CRIM1: variants seen among roughly 807,000 people sequenced by gnomAD.
CRIM1 encodes the protein cysteine-rich motor neuron 1 protein.
In CRIM1, 32 loss-of-function variants were observed where a neutral mutation model predicts 116.4. The ratio of observed to expected loss-of-function variants is 0.27; its 90% confidence interval spans 0.21 to 0.37. The LOEUF (loss-of-function observed/expected upper bound fraction) is 0.37. Ranked by LOEUF, CRIM1 falls within the 10% of genes least tolerant of loss-of-function variation. CRIM1 has a pLI of 1.00. For missense variants in CRIM1, 1,331 were observed against 1,354.8 expected (o/e 0.98, Z 0.28); for synonymous variants, 590 against 509.2 (o/e 1.16, Z -2.13).
intron 1 of CRIM1, among the ~76,000 whole-genome samples, chr2:36,363,625 G>T (rs72862102): frequency 0.016 from 2,219 of 142,058 alleles, 62 homozygotes; most frequent in African/African-American, 0.054. Flanking sequence ...ATATTATTTT[G>T]CATTGATTTG....
At chr2:36,414,520 C>G (rs1673453735) in intron 2 of CRIM1, among the ~76,000 whole-genome samples, 1 of 152,150 alleles carries the variant, frequency 6.6e-6, no homozygotes, top group Non-Finnish European at 1.5e-5. Context: ...AGCTTTCAGT[C>G]TTAAGTGGCA....
chr2:36,408,646 T>A (rs1209974915), intron 2 of CRIM1, among the ~76,000 whole-genome samples: 1 of 152,182 alleles, frequency 6.6e-6, no homozygotes, highest in Non-Finnish European at 1.5e-5. Flanking sequence ...CCCAGGCTTG[T>A]CTCCATCAAC....
At chr2:36,389,449 C>T (rs557386325) in intron 1 of CRIM1, among the ~76,000 whole-genome samples, 1 of 152,216 alleles carries the variant, frequency 6.6e-6, no homozygotes, top group African/African-American at 2.4e-5. Context: ...GATATGTGAA[C>T]AGCTGGAGAA....
chr2:36,380,608 T>G (rs1000175264), intron 1 of CRIM1, among the ~76,000 whole-genome samples: 4 of 152,182 alleles, frequency 2.6e-5, no homozygotes, highest in African/African-American at 9.7e-5. Context: ...AAAGAAAGTT[T>G]GGGAGACATT....
At chr2:36,526,075 G>A (rs1665737544) in intron 13 of CRIM1, among the ~76,000 whole-genome samples, 2 of 152,104 alleles carry the variant, frequency 1.3e-5, no homozygotes, top group African/African-American at 2.4e-5. Context: ...GAACAGCTTT[G>A]TCTAGTTTCT....
intron 4 of CRIM1, 64 bp from the exon 5 acceptor site, chr2:36,464,470 G>T (rs2125007803): frequency 6.3e-7 from 1 of 1,589,432 alleles, no homozygotes; most frequent in African/African-American, 1.3e-5. Context: ...CTTTGTTTGT[G>T]GTCTCCCGAC....
intron 4 of CRIM1, among the ~76,000 whole-genome samples, chr2:36,462,548 G>A (rs969487809): frequency 6.6e-6 from 1 of 152,200 alleles, no homozygotes; most frequent in African/African-American, 2.4e-5. Flanking sequence ...CATCTGAAGA[G>A]GTATTTTTTG....
At chr2:36,403,022 A>C (rs1043150854) in intron 2 of CRIM1, among the ~76,000 whole-genome samples, 1 of 152,184 alleles carries the variant, frequency 6.6e-6, no homozygotes, top group African/African-American at 2.4e-5. Flanking sequence ...AGAAAAGTCA[A>C]ATCTCTCCAG....
intron 1 of CRIM1, among the ~76,000 whole-genome samples, chr2:36,370,792 T>G (rs1669894318): frequency 6.6e-6 from 1 of 152,138 alleles, no homozygotes; most frequent in African/African-American, 2.4e-5. Context: ...CTTTTTTTCT[T>G]TAGAGGGGAC....
rs1355369323 is a variant in CRIM1, at chr2:36,356,255, G to T, written c.-38G>T. The stretch of plus-strand genomic sequence containing the variant: ...GGGGAGGGCGCCCGCCCCGCTCCCG[G>T]CCCGGCTGCGAGGAGGAGGCGGCGG... On this transcript the variant is annotated 5_prime_UTR_variant, in exon 1 of 17. Coordinates refer to ENST00000280527, the MANE Select transcript of CRIM1 (RefSeq NM_016441.3). This position sits in a 1 kb window ranked among gnomAD's most constrained non-coding sequence, Gnocchi z 4.3. 50 of 1,264,888 alleles carry T rather than the reference G, an allele frequency of 4.0e-5. No homozygotes were observed. The highest frequency in any genetic ancestry group is 5.1e-5 in the Non-Finnish European group (49 of 963,186). 78.4% of individuals were successfully genotyped at this position (1,264,888 alleles called of 1,614,324 possible). A position where few individuals can be genotyped will look rare whatever the true frequency, so the allele number is the denominator to read the frequency against.
intron 6 of CRIM1, 61 bp downstream of exon 6, chr2:36,477,132 A>G (rs1572829563): frequency 1.5e-6 from 2 of 1,333,018 alleles, no homozygotes; most frequent in Middle Eastern, 1.9e-4. Context: ...TTCTAAAATC[A>G]AAATCGTCCT....
At chr2:36,546,531 A>G (rs1474395044) in intron 15 of CRIM1, among the ~76,000 whole-genome samples, 7 of 152,144 alleles carry the variant, frequency 4.6e-5, no homozygotes, top group Non-Finnish European at 8.8e-5. Context: ...AGTCTTAGCT[A>G]TTAACACTAA....
intron 2 of CRIM1, among the ~76,000 whole-genome samples, chr2:36,417,561 G>C (rs891574043): frequency 1.3e-5 from 2 of 152,060 alleles, no homozygotes; most frequent in African/African-American, 4.8e-5. Context: ...TGAGTGTTTG[G>C]AGTTTGGGAT....
intron 2 of CRIM1, among the ~76,000 whole-genome samples, chr2:36,423,262 C>T (rs937137089): frequency 1.1e-4 from 16 of 152,210 alleles, no homozygotes; most frequent in Non-Finnish European, 1.2e-4. Flanking sequence ...CTAGAGTCAG[C>T]TTGGACTCGT....
intron 4 of CRIM1, among the ~76,000 whole-genome samples, chr2:36,461,203 G>A (rs987799585): frequency 1.3e-5 from 2 of 152,124 alleles, no homozygotes; most frequent in African/African-American, 4.8e-5. Flanking sequence ...GGCAGGGGGA[G>A]ATTGGACTAG....
intron 1 of CRIM1, among the ~76,000 whole-genome samples, chr2:36,363,048 A>G (rs1053861222): frequency 6.6e-6 from 1 of 152,004 alleles, no homozygotes; most frequent in Non-Finnish European, 1.5e-5. Flanking sequence ...GAATACAAAA[A>G]AATTAGCCAG....
rs11318146 is a variant in CRIM1, at chr2:36,548,267, C to CTTTT, written c.2935-245_2935-242dup. On this transcript the variant is annotated intron_variant, in intron 16 of 16. Transcript: ENST00000280527. ...AAGGATTTGAAATCATTTCACCAGTCTTTTTTTTTTTTTTTTCAGTTCCTT... is the reference window on the plus strand; with the variant it reads ...AAGGATTTGAAATCATTTCACCAGTCTTTTTTTTTTTTTTTTTTTTCAGTTCCTT... Among the ~76,000 whole-genome samples the CTTTT allele has an allele frequency of 5.8e-5, 8 of 137,830 alleles. No homozygotes were observed. In the East Asian group the frequency reaches 1.4e-3, roughly 25 times the overall value. 90.4% of individuals were successfully genotyped at this position (137,830 alleles called of 152,430 possible).
intron 2 of CRIM1, among the ~76,000 whole-genome samples, chr2:36,436,805 G>A (rs1675348690): frequency 6.6e-6 from 1 of 152,008 alleles, no homozygotes; most frequent in Admixed American, 6.5e-5. Context: ...CTGGCAACCA[G>A]GCAGTAAGAC....
rs763556226 is a variant in CRIM1 at position 36,396,683 on chromosome 2, A to G, written c.401A>G (p.Asn134Ser). ...PCNENLIAGCNIINGKCECNT... is the reference protein window; with the variant it reads ...PCNENLIAGCSIINGKCECNT... ...AATGAAAACCTTATTGCTGGCTGCA[A>G]TATAATCAATGGGAAATGTGAATGT... The change falls in exon 2 of 17, where the codon AAT becomes AGT. Residue 134 changes from asparagine (N) to serine (S), a missense_variant. Around this residue, in one of 3 missense-constraint regions of CRIM1, gnomAD observed 690 missense variants for 676.0 expected, o/e 1.02. Coordinates refer to ENST00000280527, the MANE Select transcript of CRIM1 (RefSeq NM_016441.3). 9.3e-6 allele frequency: 15 copies of G among 1,613,578 alleles called. No homozygotes were observed. In the East Asian group the frequency reaches 1.1e-4, roughly 12 times the overall value.
Sources: allele counts gnomAD v4.1 joint callset (sites outside exome capture counted in the v4.1 genomes callset), GRCh38; gene constraint gnomAD v4.1.1; regional missense constraint gnomAD v4.1.1; non-coding constraint Gnocchi (gnomAD v3.1); transcripts MANE v1.5; gene names NCBI Gene and HGNC (gene_info 2026-07-23, HGNC 2026-07-21).